The following FANCC variants were observed in gnomAD, a reference collection of about 807,000 sequenced individuals.
FANCC encodes the protein Fanconi anemia group C protein.
Under a neutral mutation model 71.3 loss-of-function variants are expected in FANCC, and 55 were observed. The observed-to-expected ratio is 0.77, with a 90% CI of 0.62 to 0.97. The LOEUF (loss-of-function observed/expected upper bound fraction) is 0.97. Ranked by LOEUF, FANCC falls within the 50% of genes least tolerant of loss-of-function variation. The pLI, the probability that FANCC is intolerant of heterozygous loss-of-function variation, is 0.00. For missense variants in FANCC, 678 were observed against 670.9 expected, an observed-to-expected ratio of 1.01 and a Z score of -0.12; for synonymous variants, 275 against 244.9, an observed-to-expected ratio of 1.12 and a Z score of -1.15.
At chr9:95,123,538 G>C (rs892550358) in intron 10 of FANCC, 4 of 519,638 alleles carry the variant, frequency 7.7e-6, no homozygotes, top group Non-Finnish European at 1.1e-5. Context: ...AAAAAAGAAG[G>C]AACAACGGTC....
intron 4 of FANCC, among the ~76,000 whole-genome samples, chr9:95,235,776 G>A (rs917647508): frequency 4.8e-5 from 7 of 146,314 alleles, no homozygotes; most frequent in Non-Finnish European, 7.5e-5. Context: ...CCCAGGAGGC[G>A]GAGGTTGCAG....
At chr9:95,270,180 C>T (rs1397663092) in intron 1 of FANCC, among the ~76,000 whole-genome samples, 1 of 152,026 alleles carries the variant, frequency 6.6e-6, no homozygotes, top group African/African-American at 2.4e-5. Context: ...CTCGCTTTTC[C>T]CCACAATTAT....
At chr9:95,237,188 GA>G (rs1413814225) in intron 4 of FANCC, among the ~76,000 whole-genome samples, 1 of 152,158 alleles carries the variant, frequency 6.6e-6, no homozygotes, top group African/African-American at 2.4e-5. Flanking sequence ...ACTGAGGAAG[GA>G]AACTGTTTTC....
intron 6 of FANCC, among the ~76,000 whole-genome samples, chr9:95,159,160 C>A (rs1320360749): frequency 6.6e-6 from 1 of 152,010 alleles, no homozygotes; most frequent in East Asian, 1.9e-4. Flanking sequence ...TTGGGTATTT[C>A]TCCTAATGCT....
intron 4 of FANCC, among the ~76,000 whole-genome samples, chr9:95,214,472 A>G (rs939488718): frequency 1.3e-5 from 2 of 152,106 alleles, no homozygotes; most frequent in African/African-American, 2.4e-5. Context: ...AAATAGAATT[A>G]CCAGATGATC....
chr9:95,286,048 T>C (rs1024700405), intron 1 of FANCC, among the ~76,000 whole-genome samples: 52 of 152,232 alleles, frequency 3.4e-4, no homozygotes, highest in Non-Finnish European at 1.3e-4. Flanking sequence ...GGAAAACTGC[T>C]TATGTTAGAC....
At chr9:95,175,335 C>T (rs1240710388) in intron 4 of FANCC, among the ~76,000 whole-genome samples, 2 of 152,090 alleles carry the variant, frequency 1.3e-5, no homozygotes, top group Non-Finnish European at 2.9e-5. Flanking sequence ...GTAATATGTA[C>T]TACATGATTT....
At chr9:95,291,967 A>AAAAAAAAAAAAAATAT in intron 1 of FANCC, among the ~76,000 whole-genome samples, 1 of 50,412 alleles carries the variant, frequency 2.0e-5, no homozygotes, top group Non-Finnish European at 3.4e-5. Context: ...AAAAAAAAAA[A>AAAAAAAAAAAAAATAT]ATATATATAT....
At chr9:95,306,016 A>G (rs1039203270) in intron 1 of FANCC, among the ~76,000 whole-genome samples, 1 of 152,232 alleles carries the variant, frequency 6.6e-6, no homozygotes, top group African/African-American at 2.4e-5. Flanking sequence ...AGGTCTTTAC[A>G]GCATGGCACT....
intron 4 of FANCC, among the ~76,000 whole-genome samples, chr9:95,180,339 CTTTTTTT>C (rs34697587): frequency 3.0e-4 from 25 of 82,190 alleles, no homozygotes; most frequent in Non-Finnish European, 5.2e-4. Context: ...ACAGTTAACT[CTTTTTTT>C]TTTTTTTTTT....
At chr9:95,154,008 G>A (rs1830322160) in intron 6 of FANCC, among the ~76,000 whole-genome samples, 1 of 152,050 alleles carries the variant, frequency 6.6e-6, no homozygotes, top group South Asian at 2.1e-4. Flanking sequence ...CACTTTGGGA[G>A]GCCGAGGAGG....
At chr9:95,209,465 G>T (rs2135862752) in intron 4 of FANCC, among the ~76,000 whole-genome samples, 1 of 152,300 alleles carries the variant, frequency 6.6e-6, no homozygotes, top group South Asian at 2.1e-4. Context: ...AGGGGAGGCT[G>T]TGCATGTGTA....
chr9:95,148,170 C>A (rs1017903529), intron 7 of FANCC, among the ~76,000 whole-genome samples: 1 of 152,154 alleles, frequency 6.6e-6, no homozygotes, highest in Admixed American at 6.5e-5. Context: ...GTTTAACATA[C>A]TGACTTTATT....
chr9:95,102,294 C>G (rs77475046), intron 14 of FANCC, among the ~76,000 whole-genome samples: 2 of 152,170 alleles, frequency 1.3e-5, no homozygotes, highest in Non-Finnish European at 2.9e-5. Context: ...ACAGAAACAG[C>G]CCCTGGCATC....
chr9:95,144,255 G>A (rs368833651), intron 7 of FANCC, among the ~76,000 whole-genome samples: 5 of 152,218 alleles, frequency 3.3e-5, no homozygotes, highest in African/African-American at 1.2e-4. Context: ...CAGCTCTTAC[G>A]CCACTGCTTG....
intron 6 of FANCC, among the ~76,000 whole-genome samples, chr9:95,159,041 T>C (rs1830598696): frequency 6.6e-6 from 1 of 152,242 alleles, no homozygotes; most frequent in South Asian, 2.1e-4. Flanking sequence ...ACCTTTTTTT[T>C]TTTAATTATA....
At chr9:95,282,734 C>A (rs1357562707) in intron 1 of FANCC, among the ~76,000 whole-genome samples, 1 of 152,142 alleles carries the variant, frequency 6.6e-6, no homozygotes, top group Non-Finnish European at 1.5e-5. Flanking sequence ...TGTCAAGTAT[C>A]TTTTCTGACC....
At chr9:95,112,404 T>C (rs990562515) in intron 12 of FANCC, among the ~76,000 whole-genome samples, 1 of 152,252 alleles carries the variant, frequency 6.6e-6, no homozygotes, top group Admixed American at 6.5e-5. Flanking sequence ...GCCTGGCCCA[T>C]GGAATTCCCA....
intron 1 of FANCC, chr9:95,317,217 C>T (rs1311247342): frequency 2.0e-5 from 3 of 152,848 alleles, no homozygotes; most frequent in African/African-American, 4.8e-5. Context: ...CCCGCCTCTC[C>T]GGGGGCTCCC....
Sources: gnomAD v4.1 joint callset for allele counts (sites outside exome capture counted in the v4.1 genomes callset) on GRCh38, gnomAD v4.1.1 for gene constraint, MANE v1.5 for transcripts, NCBI Gene and HGNC (gene_info 2026-07-23, HGNC 2026-07-21) for gene names.